The following VPS35L variants were observed in gnomAD, a reference collection of about 807,000 sequenced individuals.
The protein encoded by VPS35L is VPS35 endosomal protein-sorting factor-like.
Under a neutral mutation model 133.0 loss-of-function variants are expected in VPS35L, and 83 were observed. That is an observed-to-expected ratio of 0.62 (90% confidence interval 0.52 to 0.75). The LOEUF (loss-of-function observed/expected upper bound fraction) is 0.75, where lower values mean the gene tolerates loss of function less well. Among genes scored for constraint, VPS35L ranks in the 30% least tolerant of loss-of-function variants. The pLI, the probability that VPS35L is intolerant of heterozygous loss-of-function variation, is 0.00. For missense variants in VPS35L, 1,083 were observed against 1,206.8 expected, an observed-to-expected ratio of 0.90 and a Z score of 1.52; for synonymous variants, 423 against 449.9, an observed-to-expected ratio of 0.94 and a Z score of 0.76.
rs1567455656 is a variant in VPS35L at position 19,650,475 on chromosome 16, A to G, written c.2106+16A>G. On this transcript the variant is annotated intron_variant, in intron 25 of 30. Coordinates refer to ENST00000417362, the MANE Select transcript of VPS35L (RefSeq NM_020314.7). ...ATTTGTCCGGGTATGTTCTTAAGAT[A>G]AGGACTGTTGGACCTCGAACTCCAG... 6.2e-7 allele frequency: 1 copy of G among 1,605,570 alleles called. No individual in the cohort carries two copies. Among genetic ancestry groups the G allele is most frequent in the Non-Finnish European group, 8.5e-7 (1 of 1,172,222 alleles).
intron 28 of VPS35L, among the ~76,000 whole-genome samples, chr16:19,684,521 G>A (rs953888550): frequency 2.6e-5 from 4 of 152,190 alleles, no homozygotes; most frequent in Middle Eastern, 3.2e-3. Context: ...GAATGATGGC[G>A]CCTACCCTGA....
At chr16:19,669,764 A>AG in intron 27 of VPS35L, among the ~76,000 whole-genome samples, 2 of 150,890 alleles carry the variant, frequency 1.3e-5, no homozygotes, top group South Asian at 4.2e-4. Flanking sequence ...TCCACCCCCC[A>AG]GGTTCAAGTG....
At chr16:19,616,343 T>C in intron 13 of VPS35L, 152 bp downstream of exon 13, 1 of 692,704 alleles carries the variant, frequency 1.4e-6, no homozygotes, top group Non-Finnish European at 2.5e-6. Flanking sequence ...TGTAGACAAT[T>C]AAAATGTGTT....
intron 22 of VPS35L, among the ~76,000 whole-genome samples, chr16:19,643,466 T>C (rs947114101): frequency 3.3e-5 from 5 of 152,228 alleles, no homozygotes; most frequent in African/African-American, 9.7e-5. Context: ...ATCTGGGGTG[T>C]TGTCCTTATC....
chr16:19,587,394 C>G (rs1971901375), intron 7 of VPS35L: 1 of 446,840 alleles, frequency 2.2e-6, no homozygotes, highest in Admixed American at 2.4e-5. Context: ...CTTTGGGAGG[C>G]TGAGGTGGGC....
intron 8 of VPS35L, among the ~76,000 whole-genome samples, chr16:19,597,372 GA>G (rs5816061): frequency 0.38 from 50,811 of 135,298 alleles, 10,460 homozygotes; most frequent in African/African-American, 0.6. Flanking sequence ...TCAAAAAGAA[GA>G]AAAAAAAAAA....
chr16:19,687,551 A>G (rs964672559), intron 28 of VPS35L, among the ~76,000 whole-genome samples: 4 of 152,264 alleles, frequency 2.6e-5, no homozygotes, highest in African/African-American at 7.2e-5. Flanking sequence ...CGAGCAATCA[A>G]TCGCAAAGGA....
At chr16:19,576,976 G>A (rs1284102356) in intron 5 of VPS35L, among the ~76,000 whole-genome samples, 1 of 152,078 alleles carries the variant, frequency 6.6e-6, no homozygotes, top group Non-Finnish European at 1.5e-5. Context: ...CAAAGTGCTG[G>A]GATTACAGGT....
intron 5 of VPS35L, among the ~76,000 whole-genome samples, chr16:19,576,668 C>T (rs1047799349): frequency 6.6e-5 from 10 of 152,068 alleles, no homozygotes; most frequent in African/African-American, 1.9e-4. Context: ...ACTCTCCCCA[C>T]GGCTCTGCTG....
At position 19,581,643 on chromosome 16, in the gene VPS35L, T is replaced by C; in HGVS notation, c.629T>C (p.Ile210Thr). 6.2e-7 allele frequency: 1 copy of C among 1,613,946 alleles called. No individual in the cohort carries two copies. The highest frequency in any genetic ancestry group is 8.5e-7 in the Non-Finnish European group (1 of 1,180,006). The change falls in exon 7 of 31, where the codon ATA becomes ACA. Residue 210 changes from isoleucine (I) to threonine (T), a missense_variant. By Grantham distance (89) the Ile-to-Thr change is moderately conservative (BLOSUM62 -1). Transcript: ENST00000417362. ...ASDQKVKALK[I>T]VIQCSKLLSD... ...GACCAGAAAGTGAAGGCTCTAAAAA[T>C]AGTCATCCAGGTTAGCTCTAGTGAT... is the stretch of plus-strand genomic sequence containing the variant.
rs956052883 is a variant in VPS35L, at chr16:19,699,878, G to A, written c.2793+230G>A. Among the ~76,000 whole-genome samples the A allele has an allele frequency of 6.6e-6, 1 of 152,282 alleles. No individual in the cohort carries two copies. The highest frequency in any genetic ancestry group is 1.5e-5 in the Non-Finnish European group (1 of 68,020). On this transcript the variant is annotated intron_variant, in intron 30 of 30. Coordinates refer to ENST00000417362, the MANE Select transcript of VPS35L (RefSeq NM_020314.7). The surrounding 1 kb of genome is among the most constrained non-coding windows in gnomAD (Gnocchi z 4.2). ...TTTGGGAGGCTGAGACAGGAGGATCGCTTGAGGCTAAGGGTTTGACACCAG... is the reference window on the plus strand; with the variant it reads ...TTTGGGAGGCTGAGACAGGAGGATCACTTGAGGCTAAGGGTTTGACACCAG...
chr16:19,644,803 ATTAC>A, intron 22 of VPS35L, 79 bp from the exon 23 acceptor site: 1 of 968,472 alleles, frequency 1.0e-6, no homozygotes, highest in South Asian at 1.8e-5. Flanking sequence ...TACCTGTTAA[ATTAC>A]TTACCCCTTG....
intron 1 of VPS35L, 131 bp downstream of exon 1, chr16:19,555,877 T>G (rs1232035107): frequency 1.5e-6 from 2 of 1,321,134 alleles, no homozygotes; most frequent in South Asian, 3.0e-5. Context: ...CAAGTTGTCT[T>G]GACCGTAGAA....
At chr16:19,559,576 T>TTAA (rs1970963119) in intron 1 of VPS35L, among the ~76,000 whole-genome samples, 1 of 152,182 alleles carries the variant, frequency 6.6e-6, no homozygotes, top group African/African-American at 2.4e-5. Flanking sequence ...AGAAAATGCT[T>TTAA]TAACATCTCA....
At chr16:19,636,767 A>G (rs1973633821) in intron 19 of VPS35L, among the ~76,000 whole-genome samples, 1 of 152,166 alleles carries the variant, frequency 6.6e-6, no homozygotes, top group African/African-American at 2.4e-5. Context: ...GTTCTATTTT[A>G]TTTAGAAACC....
At chr16:19,564,986 T>A in intron 2 of VPS35L, 36 bp downstream of exon 2, 1 of 1,457,130 alleles carries the variant, frequency 6.9e-7, no homozygotes, top group Non-Finnish European at 9.6e-7. Flanking sequence ...AATGATATTC[T>A]TATCCCTTGA....
intron 26 of VPS35L, among the ~76,000 whole-genome samples, chr16:19,663,553 T>C (rs1265586852): frequency 6.9e-6 from 1 of 145,592 alleles, no homozygotes. Context: ...CCCCGATTTT[T>C]TGTATGTAAT....
intron 26 of VPS35L, among the ~76,000 whole-genome samples, chr16:19,664,825 G>A (rs111597809): frequency 0.21 from 31,183 of 151,380 alleles, 3,960 homozygotes; most frequent in Non-Finnish European, 0.28. Context: ...GCTTGAACCC[G>A]GGAGGCGGAG....
chr16:19,590,766 T>C lies in VPS35L; in HGVS notation c.640-1024T>C, dbSNP rs771304717. Among the ~76,000 whole-genome samples, 78 of 151,694 alleles carry C rather than the reference T, an allele frequency of 5.1e-4. 1 individual carries two copies. The Middle Eastern group carries it at 0.01, about 20-fold the overall frequency. On this transcript the variant is annotated intron_variant, in intron 7 of 30. Coordinates refer to ENST00000417362, the MANE Select transcript of VPS35L (RefSeq NM_020314.7). Reference sequence around the variant, plus strand: ...GAGTTCAAGACCAGCCTGAGCAACATAGTGAGAACCTGCCTCTACATAAAA... The same window carrying C: ...GAGTTCAAGACCAGCCTGAGCAACACAGTGAGAACCTGCCTCTACATAAAA...
Sources: gnomAD v4.1 joint callset for allele counts (sites outside exome capture counted in the v4.1 genomes callset) on GRCh38, gnomAD v4.1.1 for gene constraint, Gnocchi (gnomAD v3.1) non-coding constraint, MANE v1.5 for transcripts, NCBI Gene and HGNC (gene_info 2026-07-23, HGNC 2026-07-21) for gene names.